The following GFPT1 variants were observed in gnomAD, a reference collection of about 807,000 sequenced individuals.
GFPT1 encodes the protein glutamine--fructose-6-phosphate aminotransferase [isomerizing] 1.
In GFPT1, 40 loss-of-function variants were observed where a neutral mutation model predicts 92.0. The observed-to-expected ratio is 0.43, with a 90% CI of 0.34 to 0.57. GFPT1 has a LOEUF of 0.57. Among genes scored for constraint, GFPT1 ranks in the 20% least tolerant of loss-of-function variants. The pLI is 0.02. For synonymous variants in GFPT1, 269 were observed against 280.6 expected (o/e 0.96, Z 0.41); for missense variants, 448 against 869.1 (o/e 0.52, Z 6.09).
At chr2:69,326,271 A>T (rs779863217) in intron 19 of GFPT1, 38 bp from the exon 20 acceptor site, 11 of 1,450,056 alleles carry the variant, frequency 7.6e-6, no homozygotes, top group Non-Finnish European at 9.6e-6. Flanking sequence ...GATTTGAGAG[A>T]TTATATAGAC....
intron 3 of GFPT1, among the ~76,000 whole-genome samples, chr2:69,365,332 C>T (rs570362790): frequency 6.6e-6 from 1 of 151,638 alleles, no homozygotes; most frequent in Non-Finnish European, 1.5e-5. Flanking sequence ...ATTAGCTGGG[C>T]GTGGTAGCAC....
chr2:69,367,735 T>C (rs1441148790), intron 3 of GFPT1, among the ~76,000 whole-genome samples: 3 of 152,198 alleles, frequency 2.0e-5, no homozygotes, highest in African/African-American at 7.2e-5. Flanking sequence ...CAACAGTGAA[T>C]CTTGTTGTCA....
At chr2:69,336,143 A>T (rs1431640349) in intron 15 of GFPT1, among the ~76,000 whole-genome samples, 1 of 152,000 alleles carries the variant, frequency 6.6e-6, no homozygotes, top group Non-Finnish European at 1.5e-5. Flanking sequence ...GTTCAAGACA[A>T]GCCTGGCCAA....
rs1302974966 is a variant in GFPT1 at position 69,376,594 on chromosome 2, C to T, written c.8-2481G>A. Among the ~76,000 whole-genome samples, 3 of 151,960 alleles carry T rather than the reference C, an allele frequency of 2.0e-5. No individual in the cohort carries two copies. The East Asian group carries it at 5.8e-4, about 29-fold the overall frequency. On this transcript the variant is annotated intron_variant, in intron 1 of 19. Transcript: ENST00000357308. ...CCACTGTGACTGCATCAGCTAGAGT[C>T]CACTAAAGGAGGATACAATCTAGCT... is the stretch of plus-strand genomic sequence containing the variant.
In GFPT1 at chr2:69,331,926, G is replaced by A. The variant is rs542699219; in HGVS notation, c.1483-2128C>T. Among the ~76,000 whole-genome samples, 15 of 152,028 alleles carry A rather than the reference G, an allele frequency of 9.9e-5. No individual in the cohort carries two copies. In the South Asian group the frequency reaches 1.7e-3, roughly 17 times the overall value. Reference sequence around the variant, plus strand: ...GTCTCAAATATTTTTTCTCATCGTGGACTGACCTTTTATATTGGTGCTGAC... The same window carrying A: ...GTCTCAAATATTTTTTCTCATCGTGAACTGACCTTTTATATTGGTGCTGAC... On this transcript the variant is annotated intron_variant, in intron 15 of 19. Coordinates refer to ENST00000357308, the MANE Select transcript of GFPT1 (RefSeq NM_001244710.2).
At chr2:69,331,319 T>C (rs180902068) in intron 15 of GFPT1, among the ~76,000 whole-genome samples, 2 of 152,302 alleles carry the variant, frequency 1.3e-5, no homozygotes, top group East Asian at 3.9e-4. Context: ...CTCACCTGTT[T>C]TTCAACTTGA....
intron 1 of GFPT1, among the ~76,000 whole-genome samples, chr2:69,374,430 C>T (rs893160858): frequency 5.3e-5 from 8 of 151,952 alleles, no homozygotes; most frequent in African/African-American, 1.9e-4. Context: ...TCTCCTGCCT[C>T]AGCCTCCCGA....
Position 69,326,934 on chromosome 2 carries a change from C to T in GFPT1, c.2035G>A (p.Ala679Thr). ...IPLQLLAFHL[A>T]VLRGYDVDFP... ...CTTACATCATAGCCTCTCAGCACAG[C>T]AAGGTGGAAAGCCAGCAACTGTAAA... is the stretch of plus-strand genomic sequence containing the variant. The change falls in exon 19 of 20, where the codon GCT becomes ACT. Residue 679 changes from alanine (A) to threonine (T), a missense_variant. Ala to Thr is a moderately conservative substitution (Grantham distance 58). This residue lies in a region of GFPT1 where 55 missense variants were observed against 98.8 expected (regional missense o/e 0.56). Coordinates refer to ENST00000357308, the MANE Select transcript of GFPT1 (RefSeq NM_001244710.2). 6.2e-7 allele frequency: 1 copy of T among 1,614,238 alleles called. No individual in the cohort carries two copies.
At chr2:69,332,346 CTT>C (rs1670685450) in intron 15 of GFPT1, among the ~76,000 whole-genome samples, 1 of 128,050 alleles carries the variant, frequency 7.8e-6, no homozygotes, top group East Asian at 2.2e-4. Flanking sequence ...CAGTTTTGCT[CTT>C]GTTGCCCAGG....
At chr2:69,338,130 T>C (rs1168078396) in intron 14 of GFPT1, 75 bp from the exon 15 acceptor site, 6 of 1,241,570 alleles carry the variant, frequency 4.8e-6, no homozygotes, top group Middle Eastern at 1.9e-4. Context: ...CAAAAACAAA[T>C]TGACCACACT....
intron 4 of GFPT1, among the ~76,000 whole-genome samples, chr2:69,360,999 T>C (rs903423341): frequency 3.3e-5 from 5 of 152,106 alleles, no homozygotes; most frequent in African/African-American, 9.7e-5. Flanking sequence ...CCTCCCAAAG[T>C]GCTAGGATTA....
At chr2:69,362,746 G>A (rs918001692) in intron 4 of GFPT1, among the ~76,000 whole-genome samples, 6 of 151,926 alleles carry the variant, frequency 3.9e-5, no homozygotes, top group Admixed American at 6.6e-5. Context: ...GCAGTGAGCC[G>A]ATATCGCACC....
intron 1 of GFPT1, among the ~76,000 whole-genome samples, chr2:69,378,080 A>C (rs930911205): frequency 2.6e-5 from 4 of 152,168 alleles, no homozygotes; most frequent in Non-Finnish European, 5.9e-5. Flanking sequence ...ATCTCAGCTC[A>C]CTGCAACCTC....
intron 18 of GFPT1, 131 bp downstream of exon 18, chr2:69,328,140 T>C (rs1471393864): frequency 5.5e-6 from 4 of 726,616 alleles, no homozygotes; most frequent in South Asian, 1.4e-5. Flanking sequence ...ATTCCTCACA[T>C]GTAAACCTCA....
intron 11 of GFPT1, among the ~76,000 whole-genome samples, chr2:69,346,554 A>T (rs1311191872): frequency 6.6e-6 from 1 of 152,092 alleles, no homozygotes; most frequent in African/African-American, 2.4e-5. Flanking sequence ...GACAAGCTTT[A>T]AGTTTTGGAG....
chr2:69,386,289 T>C (rs1022087343), intron 1 of GFPT1, among the ~76,000 whole-genome samples: 1 of 152,252 alleles, frequency 6.6e-6, no homozygotes, highest in African/African-American at 2.4e-5. Context: ...CAACTTTCCA[T>C]AGCTAGTATT....
In GFPT1 at chr2:69,387,222, G is replaced by T. The variant is rs1672152169; in HGVS notation, c.-151C>A. The stretch of plus-strand genomic sequence containing the variant: ...GGATGCGACGGCCAAGGCAACGACA[G>T]CCTTCTCCGCCTCCCGGGCTCCGCC... On this transcript the variant is annotated 5_prime_UTR_variant, in exon 1 of 20. It adds an upstream start codon to the 5' untranslated region. Coordinates refer to ENST00000357308, the MANE Select transcript of GFPT1 (RefSeq NM_001244710.2). 2.6e-6 allele frequency: 2 copies of T among 773,796 alleles called. No homozygotes were observed. Among genetic ancestry groups the T allele is most frequent in the African/African-American group, 3.7e-5 (2 of 54,054 alleles). The allele number at this position is 773,796 out of a possible 1,614,324, so 47.9% of individuals were successfully genotyped here.
chr2:69,348,428 T>G (rs748111196), intron 10 of GFPT1, 94 bp from the exon 11 acceptor site: 10 of 986,296 alleles, frequency 1.0e-5, no homozygotes, highest in Non-Finnish European at 1.6e-5. Flanking sequence ...AATTTCAATA[T>G]AAACTCTATC....
intron 4 of GFPT1, among the ~76,000 whole-genome samples, chr2:69,362,688 T>C (rs768521740): frequency 4.6e-5 from 7 of 151,868 alleles, no homozygotes; most frequent in Non-Finnish European, 8.8e-5. Context: ...TCCCAGCTAC[T>C]TGGGAGGCTG....
Sources: gnomAD v4.1 joint callset for allele counts (sites outside exome capture counted in the v4.1 genomes callset) on GRCh38, gnomAD v4.1.1 for gene constraint, gnomAD v4.1.1 regional missense constraint, MANE v1.5 for transcripts, NCBI Gene and HGNC (gene_info 2026-07-23, HGNC 2026-07-21) for gene names.